The following KCNIP4 variants were observed in gnomAD, a reference collection of about 807,000 sequenced individuals.
The protein encoded by KCNIP4 is potassium voltage-gated channel interacting protein 4.
In KCNIP4, 12 loss-of-function variants were observed where a neutral mutation model predicts 34.0. The ratio of observed to expected loss-of-function variants is 0.35; its 90% CI spans 0.23 to 0.57. KCNIP4 has a LOEUF of 0.57. KCNIP4 is among the 20% of genes least tolerant of loss of function. The pLI is 0.83. For synonymous variants in KCNIP4, 124 were observed against 102.2 expected (o/e 1.21, Z -1.29); for missense variants, 238 against 311.7 (o/e 0.76, Z 1.78).
At chr4:21,506,793 C>CA (rs886632663) in intron 1 of KCNIP4, among the ~76,000 whole-genome samples, 1 of 151,368 alleles carries the variant, frequency 6.6e-6, no homozygotes, top group African/African-American at 2.4e-5. Flanking sequence ...TTTAATATTG[C>CA]TTTTTTTTTC....
At chr4:21,196,530 A>T (rs1756068100) in intron 1 of KCNIP4, among the ~76,000 whole-genome samples, 1 of 152,196 alleles carries the variant, frequency 6.6e-6, no homozygotes, top group African/African-American at 2.4e-5. Context: ...GGATATCTTC[A>T]AATTTATCTG....
intron 1 of KCNIP4, among the ~76,000 whole-genome samples, chr4:21,339,232 C>G (rs1716486825): frequency 6.6e-6 from 1 of 152,226 alleles, no homozygotes; most frequent in East Asian, 1.9e-4. Flanking sequence ...TGCAGAAATG[C>G]CTATTTGTTC....
intron 1 of KCNIP4, among the ~76,000 whole-genome samples, chr4:21,893,470 A>G (rs1319675184): frequency 6.6e-6 from 1 of 152,206 alleles, no homozygotes; most frequent in Admixed American, 6.6e-5. Context: ...ATCAGTTCCC[A>G]TCAATGAGTA....
chr4:21,227,888 A>G (rs911113707), intron 1 of KCNIP4, among the ~76,000 whole-genome samples: 1 of 152,162 alleles, frequency 6.6e-6, no homozygotes, highest in South Asian at 2.1e-4. Context: ...GAGATGTACT[A>G]GTTTTATAGA....
chr4:21,041,108 A>G (rs935077319), intron 1 of KCNIP4, among the ~76,000 whole-genome samples: 2 of 152,128 alleles, frequency 1.3e-5, no homozygotes, highest in African/African-American at 4.8e-5. Flanking sequence ...CTGGGAATGT[A>G]TATGAATATC....
chr4:21,229,183 C>T (rs1383841769), intron 1 of KCNIP4, among the ~76,000 whole-genome samples: 1 of 152,170 alleles, frequency 6.6e-6, no homozygotes, highest in African/African-American at 2.4e-5. Flanking sequence ...AGTGCCCTGA[C>T]TTGCCCCACT....
In KCNIP4 at chr4:21,063,655, A is replaced by G. The variant is rs1357454410; in HGVS notation, c.62-180946T>C. Among the ~76,000 whole-genome samples the G allele has an allele frequency of 2.0e-5, 3 of 152,162 alleles. No individual in the cohort carries two copies. The East Asian group carries it at 5.8e-4, about 29-fold the overall frequency. ...CAAGTTGCTTATATCACACCAGTCTAAAGAAAATAAATTCCAAAAATAATA... is the reference window on the plus strand; with the variant it reads ...CAAGTTGCTTATATCACACCAGTCTGAAGAAAATAAATTCCAAAAATAATA... On this transcript the variant is annotated intron_variant, in intron 1 of 8. Coordinates refer to ENST00000382152, the MANE Select transcript of KCNIP4 (RefSeq NM_025221.6).
chr4:21,217,243 G>A (rs1011013964), intron 1 of KCNIP4, among the ~76,000 whole-genome samples: 1 of 152,112 alleles, frequency 6.6e-6, no homozygotes, highest in African/African-American at 2.4e-5. Context: ...TTATCTCTGT[G>A]TCAGTCCCAT....
chr4:21,457,982 T>C (rs1239803774), intron 1 of KCNIP4, among the ~76,000 whole-genome samples: 5 of 151,766 alleles, frequency 3.3e-5, no homozygotes, highest in Non-Finnish European at 7.4e-5. Context: ...TCTTTTATAC[T>C]GATGACATGG....
At chr4:21,153,588 A>G (rs1752926269) in intron 1 of KCNIP4, among the ~76,000 whole-genome samples, 1 of 149,840 alleles carries the variant, frequency 6.7e-6, no homozygotes, top group South Asian at 2.1e-4. Flanking sequence ...TCAATTTCTT[A>G]TAGCTCTCTA....
intron 1 of KCNIP4, among the ~76,000 whole-genome samples, chr4:21,393,084 C>G (rs1367988665): frequency 1.3e-5 from 2 of 152,056 alleles, no homozygotes; most frequent in African/African-American, 2.4e-5. Context: ...ATCACTGAAA[C>G]GTTTGCCTCT....
chr4:21,772,147 T>C (rs967438780), intron 1 of KCNIP4, among the ~76,000 whole-genome samples: 4 of 152,224 alleles, frequency 2.6e-5, no homozygotes, highest in African/African-American at 9.6e-5. Flanking sequence ...TGTTGAATTT[T>C]ATCAAAGGCC....
chr4:21,586,199 C>A (rs1473147542), intron 1 of KCNIP4, among the ~76,000 whole-genome samples: 1 of 151,978 alleles, frequency 6.6e-6, no homozygotes, highest in East Asian at 1.9e-4. Flanking sequence ...TCATTTATAG[C>A]ACATTTCCAA....
chr4:21,005,098 C>T (rs572188481), intron 1 of KCNIP4, among the ~76,000 whole-genome samples: 10 of 152,058 alleles, frequency 6.6e-5, no homozygotes, highest in African/African-American at 1.2e-4. Context: ...TGTACTATTA[C>T]GGGAGTTAAT....
At chr4:20,817,092 AAAT>A (rs772937059) in intron 3 of KCNIP4, among the ~76,000 whole-genome samples, 2 of 152,154 alleles carry the variant, frequency 1.3e-5, no homozygotes, top group South Asian at 4.2e-4. Flanking sequence ...TCTGCTGAGA[AAAT>A]AATGTCACAA....
chr4:21,820,283 G>GTATATATATATATA (rs1288802050), intron 1 of KCNIP4, among the ~76,000 whole-genome samples: 20 of 127,486 alleles, frequency 1.6e-4, no homozygotes, highest in African/African-American at 5.1e-4. Flanking sequence ...ATGTGTGTGT[G>GTATATATATATATA]TGTATATATA....
chr4:21,677,184 G>C (rs1314647030), intron 1 of KCNIP4, among the ~76,000 whole-genome samples: 1 of 151,788 alleles, frequency 6.6e-6, no homozygotes, highest in East Asian at 1.9e-4. Flanking sequence ...GACCACTTAG[G>C]GATTACTGAC....
At chr4:21,374,478 C>G (rs986254785) in intron 1 of KCNIP4, among the ~76,000 whole-genome samples, 2 of 146,992 alleles carry the variant, frequency 1.4e-5, no homozygotes, top group Non-Finnish European at 2.9e-5. Flanking sequence ...TCCACCAGGT[C>G]CCTCCCACAA....
At chr4:21,704,807 G>A (rs985301475) in intron 1 of KCNIP4, among the ~76,000 whole-genome samples, 5 of 152,002 alleles carry the variant, frequency 3.3e-5, no homozygotes, top group Admixed American at 6.6e-5. Flanking sequence ...ACAGTCTGGC[G>A]GTGTCTTAAA....
Sources: allele counts gnomAD v4.1 joint callset (sites outside exome capture counted in the v4.1 genomes callset), GRCh38; gene constraint gnomAD v4.1.1; transcripts MANE v1.5; gene names NCBI Gene and HGNC (gene_info 2026-07-23, HGNC 2026-07-21).